TMC1: variants seen among roughly 807,000 people sequenced by gnomAD.
TMC1 encodes transmembrane channel like 1.
TMC1 carries 84 observed loss-of-function variants against 105.8 expected under a neutral mutation model. That is an observed-to-expected ratio of 0.79 (90% CI 0.67 to 0.95). The LOEUF (loss-of-function observed/expected upper bound fraction) is 0.95, where lower values mean the gene tolerates loss of function less well. TMC1 is among the 40% of genes least tolerant of loss of function. The pLI is 0.00. For synonymous variants in TMC1, 315 were observed against 311.5 expected (o/e 1.01, Z -0.12); for missense variants, 817 against 914.1 (o/e 0.89, Z 1.37).
intron 4 of TMC1, among the ~76,000 whole-genome samples, chr9:72,636,337 A>G (rs547552853): frequency 6.6e-6 from 1 of 152,320 alleles, no homozygotes; most frequent in Non-Finnish European, 1.5e-5. Context: ...ACAGTTTGGC[A>G]GTTGGCATCT....
At chr9:72,816,016 A>G in intron 18 of TMC1, 127 bp from the exon 19 acceptor site, 2 of 800,130 alleles carry the variant, frequency 2.5e-6, no homozygotes, top group Non-Finnish European at 4.4e-6. Context: ...TACTTATCCT[A>G]GTGATTATTC....
chr9:72,652,561 C>T (rs901779455), intron 5 of TMC1, among the ~76,000 whole-genome samples: 2 of 152,108 alleles, frequency 1.3e-5, no homozygotes, highest in African/African-American at 2.4e-5. Flanking sequence ...AAGGTGGGAT[C>T]AGTTAAGAAC....
chr9:72,829,057 C>A (rs139029172), intron 21 of TMC1, among the ~76,000 whole-genome samples: 114 of 152,266 alleles, frequency 7.5e-4, no homozygotes, highest in African/African-American at 2.6e-3. Flanking sequence ...ATGCAAATGT[C>A]AAATAGATGT....
chr9:72,587,404 C>T (rs747384334), intron 2 of TMC1, among the ~76,000 whole-genome samples: 1 of 152,162 alleles, frequency 6.6e-6, no homozygotes, highest in Non-Finnish European at 1.5e-5. Flanking sequence ...ATGATCCACC[C>T]ACCTCGGTCT....
chr9:72,801,289 C>T (rs1032266570), intron 17 of TMC1, among the ~76,000 whole-genome samples: 1 of 152,196 alleles, frequency 6.6e-6, no homozygotes, highest in African/African-American at 2.4e-5. Context: ...GAGAAAGCAA[C>T]AGCTGAAGAT....
chr9:72,529,501 A>G (rs1229001318), intron 1 of TMC1, among the ~76,000 whole-genome samples: 3 of 152,118 alleles, frequency 2.0e-5, no homozygotes, highest in African/African-American at 7.2e-5. Flanking sequence ...AATGATGTCT[A>G]TGTGTCTATA....
At chr9:72,703,741 A>T (rs755898164) in intron 8 of TMC1, among the ~76,000 whole-genome samples, 1 of 152,182 alleles carries the variant, frequency 6.6e-6, no homozygotes, top group Non-Finnish European at 1.5e-5. Context: ...TGGAAGCACA[A>T]ATTTAGTCCC....
chr9:72,788,342 G>C lies in TMC1; in HGVS notation c.888G>C (p.Met296Ile). The C allele has an allele frequency of 6.2e-7, 1 of 1,613,904 alleles. No homozygotes were observed. The highest frequency in any genetic ancestry group is 8.5e-7 in the Non-Finnish European group (1 of 1,179,890). The change falls in exon 14 of 24, where the codon ATG (methionine) becomes ATC (isoleucine). Residue 296 changes from methionine (M) to isoleucine (I), a missense_variant. By Grantham distance (10) the Met-to-Ile change is conservative (BLOSUM62 1). Coordinates refer to ENST00000297784, the MANE Select transcript of TMC1 (RefSeq NM_138691.3). ...GTTAAACTTCCTGTTTTTGCAGAATGACCAAAAACATTGGTGATGATGGAG... is the reference window on the plus strand; with the variant it reads ...GTTAAACTTCCTGTTTTTGCAGAATCACCAAAAACATTGGTGATGATGGAG... Reference protein sequence around the residue: ...GYSFLVVLKAMTKNIGDDGGG... With the variant: ...GYSFLVVLKAITKNIGDDGGG...
rs772901437 is a variant in TMC1, at chr9:72,572,788, TGA to T, written c.-427-5111_-427-5110del. Among the ~76,000 whole-genome samples, 4 of 152,038 alleles carry T rather than the reference TGA, an allele frequency of 2.6e-5. No individual in the cohort carries two copies. The South Asian group carries it at 6.2e-4, about 24-fold the overall frequency. ...GGTGGATCACCTGAAATCAGGAGTT[TGA>T]GACCAGCCTGGCCAAACATGGTGAA... On this transcript the variant is annotated intron_variant, in intron 1 of 23. Coordinates refer to ENST00000297784, the MANE Select transcript of TMC1 (RefSeq NM_138691.3).
At chr9:72,561,349 G>GAA (rs1483293427) in intron 1 of TMC1, among the ~76,000 whole-genome samples, 8 of 144,548 alleles carry the variant, frequency 5.5e-5, no homozygotes, top group South Asian at 2.2e-4. Flanking sequence ...AAGAGAGAGA[G>GAA]AAAATAACTC....
intron 2 of TMC1, among the ~76,000 whole-genome samples, chr9:72,589,632 G>T (rs946114607): frequency 6.6e-6 from 1 of 152,152 alleles, no homozygotes; most frequent in African/African-American, 2.4e-5. Context: ...AGTTTGTAAG[G>T]TTATGGGTTG....
chr9:72,533,911 T>C (rs149680792), intron 1 of TMC1, among the ~76,000 whole-genome samples: 259 of 152,192 alleles, frequency 1.7e-3, no homozygotes, highest in African/African-American at 5.2e-3. Context: ...GGGAGGTGGA[T>C]CACTTGAGGC....
chr9:72,693,789 C>A (rs1337997615), intron 6 of TMC1, among the ~76,000 whole-genome samples: 1 of 151,948 alleles, frequency 6.6e-6, no homozygotes, highest in African/African-American at 2.4e-5. Context: ...TTAATTATCT[C>A]TCTATTCTTT....
At chr9:72,662,113 C>T (rs1825976825) in intron 5 of TMC1, among the ~76,000 whole-genome samples, 1 of 152,068 alleles carries the variant, frequency 6.6e-6, no homozygotes. Flanking sequence ...CTAACATGGT[C>T]TCTTCTTTCA....
chr9:72,531,326 G>A (rs1245649864), intron 1 of TMC1, among the ~76,000 whole-genome samples: 3 of 152,066 alleles, frequency 2.0e-5, no homozygotes, highest in African/African-American at 7.2e-5. Context: ...ACTTTTGATT[G>A]TGTGCTAGAC....
In TMC1 at chr9:72,598,071, T is replaced by C. The variant is rs79590892; in HGVS notation, c.-305-18297T>C. ...GGTTTATATCCTAGCAGAGCAGATA[T>C]TGTCAATGGAAAATGGAAACAAAAC... On this transcript the variant is annotated intron_variant, in intron 2 of 23. Transcript: ENST00000297784. Among the ~76,000 whole-genome samples, 819 of 152,318 alleles carry C rather than the reference T, an allele frequency of 5.4e-3. 4 individuals are homozygous for C. The highest frequency in any genetic ancestry group is 0.018 in the African/African-American group (766 of 41,572).
intron 2 of TMC1, among the ~76,000 whole-genome samples, chr9:72,586,680 G>C (rs1023748749): frequency 2.0e-5 from 3 of 152,110 alleles, no homozygotes; most frequent in South Asian, 4.1e-4. Flanking sequence ...GGATCATCTG[G>C]TCATCTTGCG....
intron 5 of TMC1, among the ~76,000 whole-genome samples, chr9:72,658,552 C>A (rs1004610445): frequency 6.6e-6 from 1 of 152,184 alleles, no homozygotes; most frequent in Admixed American, 6.5e-5. Flanking sequence ...TCCTAGACAA[C>A]TTTTGCTAAA....
chr9:72,713,575 A>G (rs10122706), intron 8 of TMC1, among the ~76,000 whole-genome samples: 34,647 of 152,026 alleles, frequency 0.23, 4,282 homozygotes, highest in East Asian at 0.38. Context: ...TATTTATAGT[A>G]TTCTCTGATG....
Sources: allele counts gnomAD v4.1 joint callset (sites outside exome capture counted in the v4.1 genomes callset), GRCh38; gene constraint gnomAD v4.1.1; transcripts MANE v1.5; gene names NCBI Gene and HGNC (gene_info 2026-07-23, HGNC 2026-07-21).